The following UNC79 variants were observed in gnomAD, a reference collection of about 807,000 sequenced individuals.
The protein encoded by UNC79 is unc-79 subunit of NALCN channel complex.
In UNC79, 37 loss-of-function variants were observed where a neutral mutation model predicts 283.1. That is an observed-to-expected ratio of 0.13 (90% CI 0.10 to 0.17). The LOEUF (loss-of-function observed/expected upper bound fraction) is 0.17, where lower values mean the gene tolerates loss of function less well. Among genes scored for constraint, UNC79 ranks in the 10% least tolerant of loss-of-function variants. The pLI, the probability that UNC79 is intolerant of heterozygous loss-of-function variation, is 1.00. For missense variants in UNC79, 2,272 were observed against 3,211.1 expected (o/e 0.71, Z 7.07); for synonymous variants, 1,107 against 1,200.2 (o/e 0.92, Z 1.61).
Position 93,474,598 on chromosome 14 carries a change from A to C in UNC79, c.448+205A>C, listed in dbSNP as rs1018925614. Reference sequence around the variant, plus strand: ...TTTTATTGCCAGAGGGATGTTATCCAAGTGGAGTATTGGGGGAGAATGGGG... The same window carrying C: ...TTTTATTGCCAGAGGGATGTTATCCCAGTGGAGTATTGGGGGAGAATGGGG... On this transcript the variant is annotated intron_variant, in intron 3 of 48. Transcript: ENST00000555664. This position sits in a 1 kb window ranked among gnomAD's most constrained non-coding sequence, Gnocchi z 4.1. Among the ~76,000 whole-genome samples the C allele has an allele frequency of 2.0e-5, 3 of 152,180 alleles. No homozygotes were observed. The highest frequency in any genetic ancestry group is 7.2e-5 in the African/African-American group (3 of 41,448).
chr14:93,635,458 T>C (rs2068430258), intron 31 of UNC79, among the ~76,000 whole-genome samples: 2 of 152,262 alleles, frequency 1.3e-5, no homozygotes, highest in African/African-American at 4.8e-5. Flanking sequence ...AATCGGACTC[T>C]TTTAGTATCG....
chr14:93,529,397 T>G, intron 10 of UNC79, 71 bp downstream of exon 10: 1 of 1,528,394 alleles, frequency 6.5e-7, no homozygotes, highest in Non-Finnish European at 9.0e-7. Flanking sequence ...TATCTCCTTT[T>G]GTACTATTTT....
intron 22 of UNC79, among the ~76,000 whole-genome samples, chr14:93,591,904 G>A (rs1256461270): frequency 1.3e-5 from 2 of 152,176 alleles, no homozygotes; most frequent in Non-Finnish European, 2.9e-5. Context: ...CACCTGAATA[G>A]CAACAGGAGA....
intron 45 of UNC79, chr14:93,691,247 CG>C (rs1471534285): frequency 6.0e-6 from 1 of 167,080 alleles, no homozygotes; most frequent in African/African-American, 2.4e-5. Flanking sequence ...CCATCTCTGG[CG>C]TGTTGTAGGT....
chr14:93,437,227 T>C (rs968648772), intron 1 of UNC79, among the ~76,000 whole-genome samples: 8 of 152,124 alleles, frequency 5.3e-5, no homozygotes, highest in African/African-American at 1.9e-4. Flanking sequence ...TCTTAAGCTC[T>C]CCAGGAAAGA....
At chr14:93,644,493 G>C (rs2069382737) in intron 34 of UNC79, among the ~76,000 whole-genome samples, 2 of 152,146 alleles carry the variant, frequency 1.3e-5, no homozygotes. Context: ...CAGGTACTTT[G>C]GGCTTAGTTG....
At chr14:93,538,275 G>A in intron 12 of UNC79, 57 bp downstream of exon 12, 1 of 1,459,944 alleles carries the variant, frequency 6.8e-7, no homozygotes. Flanking sequence ...TTTGAGCTAA[G>A]CTCCGCACAC....
At chr14:93,666,026 T>C (rs1209588277) in intron 40 of UNC79, among the ~76,000 whole-genome samples, 1 of 150,264 alleles carries the variant, frequency 6.7e-6, no homozygotes, top group African/African-American at 2.5e-5. Flanking sequence ...AAAATGACAA[T>C]AGAATACTAG....
chr14:93,477,061 G>T (rs1297942132), intron 3 of UNC79, among the ~76,000 whole-genome samples: 1 of 152,158 alleles, frequency 6.6e-6, no homozygotes, highest in Non-Finnish European at 1.5e-5. Context: ...ACATGGTCAT[G>T]TAGCACCAGC....
At chr14:93,359,781 C>T (rs1234822333) in intron 1 of UNC79, among the ~76,000 whole-genome samples, 3 of 152,166 alleles carry the variant, frequency 2.0e-5, no homozygotes, top group African/African-American at 7.2e-5. Context: ...AGCCACTTTA[C>T]AGACCCAGAA....
At chr14:93,706,910 C>T, downstream of UNC79, 2 of 1,614,108 alleles carry the variant, frequency 1.2e-6, no homozygotes, top group South Asian at 2.2e-5. Flanking sequence ...TATGAGTGGA[C>T]TCCTCGGCGC....
intron 27 of UNC79, among the ~76,000 whole-genome samples, chr14:93,614,713 A>G (rs1471459876): frequency 6.6e-6 from 1 of 151,478 alleles, no homozygotes; most frequent in Non-Finnish European, 1.5e-5. Flanking sequence ...ACTTAACTTT[A>G]TGCCACACCA....
chr14:93,546,661 A>T (rs527268931), intron 14 of UNC79, among the ~76,000 whole-genome samples: 1 of 152,348 alleles, frequency 6.6e-6, no homozygotes, highest in South Asian at 2.1e-4. Flanking sequence ...TGAAAAACAG[A>T]ACATTGATTG....
At chr14:93,386,818 CTT>C (rs1246410640) in intron 1 of UNC79, among the ~76,000 whole-genome samples, 1 of 148,888 alleles carries the variant, frequency 6.7e-6, no homozygotes, top group Admixed American at 6.7e-5. Flanking sequence ...CTCTTTTTTT[CTT>C]AGTGTGGCTA....
intron 14 of UNC79, among the ~76,000 whole-genome samples, chr14:93,544,619 A>G (rs751427956): frequency 7.2e-5 from 11 of 152,220 alleles, no homozygotes; most frequent in Non-Finnish European, 1.6e-4. Flanking sequence ...AAGTTTCAAC[A>G]TACATGAAAG....
At chr14:93,354,228 G>A (rs564744089) in intron 1 of UNC79, among the ~76,000 whole-genome samples, 1 of 152,200 alleles carries the variant, frequency 6.6e-6, no homozygotes, top group African/African-American at 2.4e-5. Flanking sequence ...GATGATGATG[G>A]GCAGGTGAGA....
chr14:93,600,542 C>CTT (rs551722750), intron 24 of UNC79, 27 bp from the exon 25 acceptor site: 77 of 1,188,590 alleles, frequency 6.5e-5, no homozygotes, highest in Admixed American at 1.2e-4. Flanking sequence ...TTCTTCTTTT[C>CTT]TTTTTTTTTT....
chr14:93,629,296 T>C (rs551019320), intron 30 of UNC79, among the ~76,000 whole-genome samples: 26 of 152,308 alleles, frequency 1.7e-4, no homozygotes, highest in Admixed American at 1.7e-3. Flanking sequence ...TTAAGCTTTT[T>C]CACTAACATT....
chr14:93,600,959 C>CA (rs1433447208), intron 25 of UNC79, among the ~76,000 whole-genome samples, 189 bp downstream of exon 25: 2 of 152,082 alleles, frequency 1.3e-5, no homozygotes, highest in Non-Finnish European at 2.9e-5. Context: ...CCTGGCATTC[C>CA]AAAATCAGAA....
Sources: gnomAD v4.1 joint callset for allele counts (sites outside exome capture counted in the v4.1 genomes callset) on GRCh38, gnomAD v4.1.1 for gene constraint, Gnocchi (gnomAD v3.1) non-coding constraint, MANE v1.5 for transcripts, NCBI Gene and HGNC (gene_info 2026-07-23, HGNC 2026-07-21) for gene names.